MS4A5: variants seen among roughly 807,000 people sequenced by gnomAD.
MS4A5 encodes membrane spanning 4-domains A5.
In MS4A5, 15 loss-of-function variants were observed where a neutral mutation model predicts 18.2. The ratio of observed to expected loss-of-function variants is 0.83; its 90% CI spans 0.55 to 1.27. The LOEUF is 1.27. Ranked by LOEUF, MS4A5 falls within the 50% of genes most tolerant of loss-of-function variation. The pLI, the probability that MS4A5 is intolerant of heterozygous loss-of-function variation, is 0.00. For missense variants in MS4A5, 232 were observed against 225.7 expected (o/e 1.03, Z -0.18); for synonymous variants, 89 against 78.7 (o/e 1.13, Z -0.69).
At chr11:60,446,359 G>A (rs1253912382) in intron 4 of MS4A5, among the ~76,000 whole-genome samples, 2 of 152,180 alleles carry the variant, frequency 1.3e-5, no homozygotes, top group Non-Finnish European at 2.9e-5. Context: ...CAGCCTCTGG[G>A]CTACTGACAA....
At chr11:60,437,955 A>T (rs2086090036) in intron 4 of MS4A5, among the ~76,000 whole-genome samples, 1 of 152,196 alleles carries the variant, frequency 6.6e-6, no homozygotes, top group African/African-American at 2.4e-5. Flanking sequence ...TCCACGCCAA[A>T]TCAACAGAAT....
intron 4 of MS4A5, among the ~76,000 whole-genome samples, chr11:60,439,224 AC>A (rs2086097613): frequency 8.0e-6 from 1 of 125,500 alleles, no homozygotes; most frequent in African/African-American, 3.1e-5. Context: ...AAATTCAACA[AC>A]CCTTCATGCT....
At chr11:60,443,159 A>G (rs1020729438) in intron 4 of MS4A5, among the ~76,000 whole-genome samples, 1 of 152,164 alleles carries the variant, frequency 6.6e-6, no homozygotes. Context: ...CAACAACAAC[A>G]AAAACACAAT....
intron 4 of MS4A5, among the ~76,000 whole-genome samples, chr11:60,446,752 A>T (rs1021451529): frequency 6.6e-6 from 1 of 151,696 alleles, no homozygotes; most frequent in East Asian, 1.9e-4. Flanking sequence ...AAAAAAGACA[A>T]AAAAGAAACC....
intron 2 of MS4A5, 81 bp from the exon 3 acceptor site, chr11:60,432,330 G>T (rs905244797): frequency 8.0e-6 from 7 of 875,292 alleles, no homozygotes; most frequent in Admixed American, 2.7e-5. Context: ...GCCTGTAAAA[G>T]AAATGCATAG....
intron 4 of MS4A5, among the ~76,000 whole-genome samples, chr11:60,434,899 T>G (rs954404219): frequency 6.6e-6 from 1 of 152,186 alleles, no homozygotes; most frequent in Non-Finnish European, 1.5e-5. Flanking sequence ...AGAGAGATTT[T>G]CTCCGTATTA....
chr11:60,440,621 T>C (rs1461374569), intron 4 of MS4A5, among the ~76,000 whole-genome samples: 2 of 150,244 alleles, frequency 1.3e-5, no homozygotes, highest in Non-Finnish European at 3.0e-5. Context: ...GTGAAGGACA[T>C]GAACAGACAC....
chr11:60,435,296 G>C, intron 4 of MS4A5: 1 of 414,894 alleles, frequency 2.4e-6, no homozygotes, highest in South Asian at 1.8e-5. Flanking sequence ...AAGACAATGC[G>C]AATAACAACT....
intron 1 of MS4A5, among the ~76,000 whole-genome samples, chr11:60,430,592 T>C (rs1200585866): frequency 1.3e-5 from 2 of 152,178 alleles, no homozygotes; most frequent in Non-Finnish European, 2.9e-5. Context: ...GGAGCACTGA[T>C]TTAGATCATT....
At position 60,438,369 on chromosome 11, in the gene MS4A5, C is replaced by G. The variant is rs903059872; in HGVS notation, c.492+4452C>G. 1.0e-3 allele frequency among the ~76,000 whole-genome samples: 155 copies of G among 152,020 alleles called. 1 individual carries two copies. The highest frequency in any genetic ancestry group is 3.6e-3 in the African/African-American group (149 of 41,492). ...TAACATCACAATTAAAAGAACTAGA[C>G]AAGCAAGAGCAAACACATTCAAAAG... On this transcript the variant is annotated intron_variant, in intron 4 of 4. Coordinates refer to ENST00000300190, the MANE Select transcript of MS4A5 (RefSeq NM_023945.3).
rs2086082366 is a variant in MS4A5, at chr11:60,436,662, AAG to A, written c.492+2746_492+2747del. Among the ~76,000 whole-genome samples the A allele has an allele frequency of 1.5e-5, 2 of 134,622 alleles. 1 individual carries two copies. Among genetic ancestry groups the A allele is most frequent in the Non-Finnish European group, 3.3e-5 (2 of 59,984 alleles). 88.3% of individuals were successfully genotyped at this position (134,622 alleles called of 152,430 possible). ...GGAGTCGATGCGATCAACTGGAAGAAAGGGTATCAGCGATGGAAGATGAAATG... is the reference window on the plus strand; with the variant it reads ...GGAGTCGATGCGATCAACTGGAAGAAGGTATCAGCGATGGAAGATGAAATG... On this transcript the variant is annotated intron_variant, in intron 4 of 4. Coordinates refer to ENST00000300190, the MANE Select transcript of MS4A5 (RefSeq NM_023945.3).
At chr11:60,431,573 G>C (rs10897061) in intron 2 of MS4A5, among the ~76,000 whole-genome samples, 1 of 152,038 alleles carries the variant, frequency 6.6e-6, no homozygotes, top group East Asian at 1.9e-4. Flanking sequence ...TGTGATGAGG[G>C]AGAATAAACA....
chr11:60,444,386 A>G (rs761181579), intron 4 of MS4A5, among the ~76,000 whole-genome samples: 1 of 152,136 alleles, frequency 6.6e-6, no homozygotes, highest in Non-Finnish European at 1.5e-5. Flanking sequence ...ACTTAGGAGA[A>G]TATCTTCACG....
chr11:60,445,488 G>A (rs1175435627), intron 4 of MS4A5, among the ~76,000 whole-genome samples: 2 of 152,114 alleles, frequency 1.3e-5, no homozygotes, highest in Non-Finnish European at 2.9e-5. Context: ...TCAAACTCCT[G>A]AGCTCAGGCA....
chr11:60,437,275 C>T (rs954770576), intron 4 of MS4A5, among the ~76,000 whole-genome samples: 7 of 150,330 alleles, frequency 4.7e-5, no homozygotes, highest in Admixed American at 2.7e-4. Flanking sequence ...GAAGGAAGCA[C>T]TAAACATGGA....
chr11:60,431,002 A>G, intron 2 of MS4A5, 78 bp downstream of exon 2: 1 of 1,509,660 alleles, frequency 6.6e-7, no homozygotes, highest in Non-Finnish European at 8.9e-7. Flanking sequence ...GAAATAAGCT[A>G]GATCCAGTTG....
intron 4 of MS4A5, among the ~76,000 whole-genome samples, chr11:60,435,960 G>C (rs2086077928): frequency 6.6e-6 from 1 of 152,218 alleles, no homozygotes; most frequent in Non-Finnish European, 1.5e-5. Context: ...TGCCTCTGTA[G>C]GCTCCACCTC....
intron 4 of MS4A5, among the ~76,000 whole-genome samples, chr11:60,438,442 A>G (rs2135175763): frequency 6.6e-6 from 1 of 152,242 alleles, no homozygotes; most frequent in South Asian, 2.1e-4. Context: ...ACTGAAGGAA[A>G]TAGAGACACA....
chr11:60,441,289 AG>A (rs1179211853), intron 4 of MS4A5, among the ~76,000 whole-genome samples: 1 of 100,280 alleles, frequency 1.0e-5, no homozygotes, highest in Non-Finnish European at 2.1e-5. Context: ...GGGTGGAGGG[AG>A]GGGGGGAGGG....
Sources: allele counts gnomAD v4.1 joint callset (sites outside exome capture counted in the v4.1 genomes callset), GRCh38; gene constraint gnomAD v4.1.1; transcripts MANE v1.5; gene names NCBI Gene and HGNC (gene_info 2026-07-23, HGNC 2026-07-21).